Variants in SCARB1 observed in about 807,000 individuals in gnomAD.
SCARB1 encodes CD36 and LIMPII analogous 1.
In SCARB1, 30 loss-of-function variants were observed where a neutral mutation model predicts 57.2. The observed-to-expected ratio is 0.52, with a 90% CI of 0.39 to 0.71. The LOEUF (loss-of-function observed/expected upper bound fraction) is 0.71, where lower values mean the gene tolerates loss of function less well. Among genes scored for constraint, SCARB1 ranks in the 30% least tolerant of loss-of-function variants. The pLI is 0.00. For missense variants in SCARB1, 543 were observed against 671.2 expected, an observed-to-expected ratio of 0.81 and a Z score of 2.11; for synonymous variants, 249 against 268.3, an observed-to-expected ratio of 0.93 and a Z score of 0.70.
intron 7 of SCARB1, among the ~76,000 whole-genome samples, chr12:124,802,585 G>A (rs1950172714): frequency 6.6e-6 from 1 of 151,816 alleles, no homozygotes; most frequent in African/African-American, 2.4e-5. Flanking sequence ...GGAACAACTT[G>A]CCAGCCCCCG....
Position 124,786,172 on chromosome 12 carries a change from G to A in SCARB1, c.1401+185C>T, listed in dbSNP as rs764698432. 6.4e-6 allele frequency: 10 copies of A among 1,570,916 alleles called. No individual in the cohort carries two copies. In the Admixed American group the frequency reaches 9.0e-5, roughly 14 times the overall value. Reference sequence around the variant, plus strand: ...AGGCAGAGTAGTGGCAACGCGGCATGCAAAAGACGCAAGCGTGCTGCGCAG... The same window carrying A: ...AGGCAGAGTAGTGGCAACGCGGCATACAAAAGACGCAAGCGTGCTGCGCAG... On this transcript the variant is annotated intron_variant, in intron 11 of 12. Transcript: ENST00000261693.
intron 7 of SCARB1, among the ~76,000 whole-genome samples, chr12:124,805,254 A>G (rs1950281607): frequency 1.3e-5 from 2 of 152,222 alleles, no homozygotes; most frequent in Non-Finnish European, 2.9e-5. Context: ...ATGCAGGCCA[A>G]AAGAAGGTGA....
rs554248082 is a variant in SCARB1, at chr12:124,817,818, C to A, written c.127-111G>T. 8.5e-7 allele frequency: 1 copy of A among 1,176,672 alleles called. No homozygotes were observed. Among genetic ancestry groups the A allele is most frequent in the Non-Finnish European group, 1.3e-6 (1 of 784,864 alleles). The allele number at this position is 1,176,672 out of a possible 1,614,324, so 72.9% of individuals were successfully genotyped here. A position where few individuals can be genotyped will look rare whatever the true frequency, so the allele number is the denominator to read the frequency against. ...CCCGGCCAGGGAAGGGGCTCCTCGG[C>A]GGGAGCTTGGGATAGGAGGTGGTGG... On this transcript the variant is annotated intron_variant, in intron 1 of 12. Transcript: ENST00000261693. This position sits in a 1 kb window ranked among gnomAD's most constrained non-coding sequence, Gnocchi z 4.8.
chr12:124,832,535 G>A (rs1049614675), intron 1 of SCARB1, among the ~76,000 whole-genome samples: 2 of 148,684 alleles, frequency 1.3e-5, no homozygotes, highest in Non-Finnish European at 3.0e-5. Flanking sequence ...AAAAAAAACT[G>A]TTCTAAAACA....
intron 1 of SCARB1, among the ~76,000 whole-genome samples, chr12:124,827,504 TC>T (rs1355227691): frequency 1.3e-5 from 2 of 152,118 alleles, no homozygotes; most frequent in Non-Finnish European, 2.9e-5. Flanking sequence ...TTTCTTTCCA[TC>T]TTTTTGCTTT....
chr12:124,814,873 G>T lies in SCARB1; in HGVS notation c.426+100C>A. 1 of 1,508,056 alleles carries T rather than the reference G, an allele frequency of 6.6e-7. No homozygotes were observed. Among genetic ancestry groups the T allele is most frequent in the South Asian group, 1.2e-5 (1 of 86,390 alleles). The allele number at this position is 1,508,056 out of a possible 1,614,324, so 93.4% of individuals were successfully genotyped here. A position where few individuals can be genotyped will look rare whatever the true frequency, so the allele number is the denominator to read the frequency against. On this transcript the variant is annotated intron_variant, in intron 3 of 12. Transcript: ENST00000261693. This position sits in a 1 kb window ranked among gnomAD's most constrained non-coding sequence, Gnocchi z 4.7. ...CACCAGGCGTGAGTCCCCACGCTCCGACCACCTCAGGGACTGCTCTCTGCA... is the reference window on the plus strand; with the variant it reads ...CACCAGGCGTGAGTCCCCACGCTCCTACCACCTCAGGGACTGCTCTCTGCA...
intron 7 of SCARB1, among the ~76,000 whole-genome samples, chr12:124,806,989 A>C (rs573601406): frequency 8.5e-5 from 13 of 152,244 alleles, no homozygotes; most frequent in Admixed American, 8.5e-4. Context: ...ACTTGAGGTC[A>C]GGAGTTCAAG....
chr12:124,853,397 T>G (rs1032246140), intron 1 of SCARB1, among the ~76,000 whole-genome samples: 9 of 149,690 alleles, frequency 6.0e-5, no homozygotes, highest in African/African-American at 1.2e-4. Flanking sequence ...TTTGTTTTTT[T>G]TTTTTTTTTT....
intron 12 of SCARB1, among the ~76,000 whole-genome samples, chr12:124,781,518 G>A (rs1873463880): frequency 6.6e-6 from 1 of 152,082 alleles, no homozygotes; most frequent in South Asian, 2.1e-4. Flanking sequence ...CCCTGGCCAC[G>A]GCTCCCCCAT....
At position 124,822,536 on chromosome 12, in the gene SCARB1, C is replaced by CCCAG. The variant is rs1316042865; in HGVS notation, c.127-4833_127-4830dup. Among the ~76,000 whole-genome samples the CCCAG allele has an allele frequency of 3.9e-5, 6 of 152,230 alleles. No individual in the cohort carries two copies. Among genetic ancestry groups the CCCAG allele is most frequent in the Admixed American group, 3.9e-4 (6 of 15,286 alleles). On this transcript the variant is annotated intron_variant, in intron 1 of 12. Coordinates refer to ENST00000261693, the MANE Select transcript of SCARB1 (RefSeq NM_005505.5). The surrounding 1 kb of genome is among the most constrained non-coding windows in gnomAD (Gnocchi z 5.0). ...GAGGGAGGGGACTAACGTGAACTGG[C>CCCAG]CCAGCTATCTTGATTTTGGTTGCCA...
At position 124,782,684 on chromosome 12, in the gene SCARB1, TAC is replaced by T. The variant is rs770327774; in HGVS notation, c.1527_1528del (p.Ter510GlyfsTer3). 6 of 1,613,896 alleles carry T rather than the reference TAC, an allele frequency of 3.7e-6. No homozygotes were observed. The highest frequency in any genetic ancestry group is 1.1e-5 in the South Asian group (1 of 91,074). On this transcript the variant is annotated frameshift_variant and stop_lost and splice_region_variant, in exon 12 of 13. Coordinates refer to ENST00000261693, the MANE Select transcript of SCARB1 (RefSeq NM_005505.5). LOFTEE classifies it high-confidence loss of function. ...CGCACGGCATTACCTGGTACCCACCTACAGTTTTGCTTCCTGCAGCACAGAGC... is the reference window on the plus strand; with the variant it reads ...CGCACGGCATTACCTGGTACCCACCTAGTTTTGCTTCCTGCAGCACAGAGC...
chr12:124,778,675 T>A (rs1271792992), intron 12 of SCARB1, 89 bp from the exon 13 acceptor site: 17 of 1,127,102 alleles, frequency 1.5e-5, no homozygotes, highest in Non-Finnish European at 1.8e-5. Flanking sequence ...TGTACCCACA[T>A]CCCCAGCAGA....
chr12:124,856,509 G>A (rs1054110429), intron 1 of SCARB1, among the ~76,000 whole-genome samples: 6 of 152,230 alleles, frequency 3.9e-5, no homozygotes, highest in African/African-American at 1.4e-4. Context: ...TTTTTCAGCC[G>A]TCGCCAGGGA....
chr12:124,842,052 C>T (rs1447509587), intron 1 of SCARB1, among the ~76,000 whole-genome samples: 82 of 152,344 alleles, frequency 5.4e-4, no homozygotes, highest in Non-Finnish European at 4.4e-5. Context: ...CCTCCTCCTC[C>T]CACAGTCCTG....
In SCARB1 at chr12:124,796,242, C is replaced by A. The variant is rs1949940210; in HGVS notation, c.1129-974G>T. Among the ~76,000 whole-genome samples, 1 of 152,154 alleles carries A rather than the reference C, an allele frequency of 6.6e-6. No homozygotes were observed. Among genetic ancestry groups the A allele is most frequent in the African/African-American group, 2.4e-5 (1 of 41,440 alleles). ...GTGGGATTACAGGCGTGAGCCACCA[C>A]ACCCAGCCTATTTATCATTATTATT... On this transcript the variant is annotated intron_variant, in intron 8 of 12. Transcript: ENST00000261693. The surrounding 1 kb of genome is among the most constrained non-coding windows in gnomAD (Gnocchi z 4.0).
chr12:124,791,252 T>C (rs540056160), intron 9 of SCARB1, among the ~76,000 whole-genome samples: 1 of 152,300 alleles, frequency 6.6e-6, no homozygotes, highest in South Asian at 2.1e-4. Context: ...TGAATCCTTT[T>C]ACCGTAATAA....
intron 1 of SCARB1, among the ~76,000 whole-genome samples, chr12:124,854,628 G>C (rs1399101941): frequency 6.6e-6 from 1 of 152,210 alleles, no homozygotes; most frequent in Admixed American, 6.5e-5. Context: ...GAAGTAGTTG[G>C]AATCTGGGTA....
chr12:124,839,555 G>A lies in SCARB1; in HGVS notation c.127-21848C>T, dbSNP rs969062012. On this transcript the variant is annotated intron_variant, in intron 1 of 12. Coordinates refer to ENST00000261693, the MANE Select transcript of SCARB1 (RefSeq NM_005505.5). ...TTCAAGTTCCCACTTCCATTTCTTT[G>A]ATACCCAGAAGTGGGGTTGCCCCAC... is the stretch of plus-strand genomic sequence containing the variant. The A allele has an allele frequency of 4.3e-6, 4 of 935,010 alleles. No homozygotes were observed. In the African/African-American group the frequency reaches 5.4e-5, roughly 13 times the overall value. The allele number at this position is 935,010 out of a possible 1,614,324, so 57.9% of individuals were successfully genotyped here. A position where few individuals can be genotyped will look rare whatever the true frequency, so the allele number is the denominator to read the frequency against.
chr12:124,812,203 A>C lies in SCARB1; in HGVS notation c.631-238T>G, dbSNP rs1566181762. Among the ~76,000 whole-genome samples the C allele has an allele frequency of 6.6e-6, 1 of 152,106 alleles. No homozygotes were observed. The highest frequency in any genetic ancestry group is 2.4e-5 in the African/African-American group (1 of 41,410). ...TCCACCCTCCCTTCCTAACTCCAGGAGAGTCTGGCTTTCCTCCCAGGTAAA... is the reference window on the plus strand; with the variant it reads ...TCCACCCTCCCTTCCTAACTCCAGGCGAGTCTGGCTTTCCTCCCAGGTAAA... On this transcript the variant is annotated intron_variant, in intron 4 of 12. Coordinates refer to ENST00000261693, the MANE Select transcript of SCARB1 (RefSeq NM_005505.5). This position sits in a 1 kb window ranked among gnomAD's most constrained non-coding sequence, Gnocchi z 4.3.
Sources: gnomAD v4.1 joint callset for allele counts (sites outside exome capture counted in the v4.1 genomes callset) on GRCh38, gnomAD v4.1.1 for gene constraint, Gnocchi (gnomAD v3.1) non-coding constraint, MANE v1.5 for transcripts, NCBI Gene and HGNC (gene_info 2026-07-23, HGNC 2026-07-21) for gene names.